LDLRAP1: variants seen among roughly 807,000 people sequenced by gnomAD.
LDLRAP1 encodes the protein low density lipoprotein receptor adapter protein 1.
LDLRAP1 carries 30 observed loss-of-function variants against 37.8 expected under a neutral mutation model. That is an observed-to-expected ratio of 0.79 (90% CI 0.59 to 1.08). The LOEUF is 1.08. Ranked by LOEUF, LDLRAP1 falls within the 50% of genes least tolerant of loss-of-function variation. LDLRAP1 has a pLI of 0.00. For synonymous variants in LDLRAP1, 156 were observed against 169.8 expected, an observed-to-expected ratio of 0.92 and a Z score of 0.63; for missense variants, 375 against 401.6, an observed-to-expected ratio of 0.93 and a Z score of 0.57.
the LDLRAP1 span, among the ~76,000 whole-genome samples, chr1:25,589,775 C>T: frequency 6.6e-6 from 1 of 152,166 alleles, no homozygotes; most frequent in Admixed American, 6.5e-5. Context: ...ACTTCTTGGC[C>T]TCCATAATTG....
At position 25,554,906 on chromosome 1, in the gene LDLRAP1, C is replaced by T. The variant is rs559751073; in HGVS notation, c.278C>T (p.Ser93Leu). 8.7e-6 allele frequency: 14 copies of T among 1,614,186 alleles called. No homozygotes were observed. The highest frequency in any genetic ancestry group is 1.1e-5 in the South Asian group (1 of 91,072). ...CTGCAGAAGGTGACTCTGAAGGTGT[C>T]GCCACGGGGAATTATCCTGACAGAC... ...KKLQKVTLKV[S>L]PRGIILTDNL... The change falls in exon 3 of 9, where the codon TCG becomes TTG. Residue 93 changes from serine to leucine, a missense_variant. Ser to Leu is a moderately radical substitution (Grantham distance 145, BLOSUM62 -2). Transcript: ENST00000374338. This position sits in a 1 kb window ranked among gnomAD's most constrained non-coding sequence, Gnocchi z 5.4.
rs554028072 is a variant in LDLRAP1, at chr1:25,563,665, C to G, written c.621C>G (p.Val207=). 4 of 1,613,370 alleles carry G rather than the reference C, an allele frequency of 2.5e-6. No individual in the cohort carries two copies. The South Asian group carries it at 3.3e-5, about 13-fold the overall frequency. ...ACCTGACCGGATCCCTCACAGTGGT[C>G]GCCACTGGGAACCTGCTGGACTTAG... ...QDCTPSLKSL[V]ATGNLLDLEE... The change falls in exon 7 of 9, where the codon GTC becomes GTG. Residue 207 remains valine, a synonymous_variant. Transcript: ENST00000374338.
chr1:25,574,388 G>GA, the LDLRAP1 span, among the ~76,000 whole-genome samples: 1 of 152,224 alleles, frequency 6.6e-6, no homozygotes, highest in Non-Finnish European at 1.5e-5. Flanking sequence ...TGTCATCCAG[G>GA]GTCAAGCCCA....
In LDLRAP1 at chr1:25,544,494, C is replaced by T. The variant is rs1413450844; in HGVS notation, c.88+708C>T. On this transcript the variant is annotated intron_variant, in intron 1 of 8. Coordinates refer to ENST00000374338, the MANE Select transcript of LDLRAP1 (RefSeq NM_015627.3). The surrounding 1 kb of genome is among the most constrained non-coding windows in gnomAD (Gnocchi z 4.8). The stretch of plus-strand genomic sequence containing the variant: ...TTTTTGAAACCTGTTTTCTCTCGCA[C>T]CTTTCCCCTCGGGCTTCCAGAGTCC... Among the ~76,000 whole-genome samples the T allele has an allele frequency of 3.9e-5, 6 of 152,200 alleles. No individual in the cohort carries two copies. Among genetic ancestry groups the T allele is most frequent in the South Asian group, 2.1e-4 (1 of 4,828 alleles).
At chr1:25,551,155 A>T (rs530397545) in intron 1 of LDLRAP1, among the ~76,000 whole-genome samples, 1 of 152,256 alleles carries the variant, frequency 6.6e-6, no homozygotes, top group African/African-American at 2.4e-5. Context: ...TTGATTATCA[A>T]TGTCTGCCAA....
the LDLRAP1 span, among the ~76,000 whole-genome samples, chr1:25,585,612 A>G: frequency 6.6e-6 from 1 of 152,228 alleles, no homozygotes; most frequent in Non-Finnish European, 1.5e-5. Flanking sequence ...GGCGTGAGCC[A>G]CTGTGCCTTA....
At chr1:25,577,618 A>AGAC in the LDLRAP1 span, among the ~76,000 whole-genome samples, 7 of 152,188 alleles carry the variant, frequency 4.6e-5, no homozygotes. Flanking sequence ...TGTTGAAGTT[A>AGAC]GACGAGGAGG....
At chr1:25,573,485 G>A (rs968580636), downstream of LDLRAP1, among the ~76,000 whole-genome samples, 5 of 152,290 alleles carry the variant, frequency 3.3e-5, no homozygotes, top group African/African-American at 1.2e-4. Flanking sequence ...GGCAAGGGAA[G>A]TTGGGAAGAG....
At chr1:25,566,107 T>A (rs972836348) in intron 8 of LDLRAP1, among the ~76,000 whole-genome samples, 1 of 152,200 alleles carries the variant, frequency 6.6e-6, no homozygotes, top group Non-Finnish European at 1.5e-5. Flanking sequence ...TTCTCCACAT[T>A]ATTTTGAGCA....
intron 8 of LDLRAP1, 66 bp from the exon 9 acceptor site, chr1:25,566,782 C>G: frequency 6.4e-7 from 1 of 1,560,984 alleles, no homozygotes; most frequent in Non-Finnish European, 8.7e-7. Flanking sequence ...GGTGCCCCCT[C>G]GCGTCTGACC....
rs2044509983 is a variant in LDLRAP1, at chr1:25,567,308, G to A, written c.*316G>A. On this transcript the variant is annotated 3_prime_UTR_variant, in exon 9 of 9. Transcript: ENST00000374338. ...GTAATCGGCTCCCGCTTGCTCTCCT[G>A]GAGCAAGCTCTGCCCTGGCTGTGGG... The A allele has an allele frequency of 2.3e-6, 1 of 427,458 alleles. No homozygotes were observed. Among genetic ancestry groups the A allele is most frequent in the South Asian group, 2.1e-5 (1 of 47,968 alleles). The allele number at this position is 427,458 out of a possible 1,614,324, so 26.5% of individuals were successfully genotyped here.
chr1:25,556,571 G>A (rs1033367654), intron 3 of LDLRAP1, among the ~76,000 whole-genome samples: 7 of 152,200 alleles, frequency 4.6e-5, no homozygotes, highest in Non-Finnish European at 7.3e-5. Context: ...GGCATGGATC[G>A]GAGGGCAGGT....
intron 1 of LDLRAP1, among the ~76,000 whole-genome samples, chr1:25,547,642 G>A (rs1040445421): frequency 2.0e-5 from 3 of 152,166 alleles, no homozygotes; most frequent in African/African-American, 7.2e-5. Flanking sequence ...CCGGAAGCCC[G>A]GTGGAGAGGA....
intron 4 of LDLRAP1, among the ~76,000 whole-genome samples, chr1:25,557,969 A>G (rs890246856): frequency 6.6e-6 from 1 of 151,156 alleles, no homozygotes; most frequent in South Asian, 2.1e-4. Context: ...GGGGGTTTAA[A>G]CCCACGTTTC....
intron 7 of LDLRAP1, chr1:25,564,913 C>G (rs1261982392): frequency 2.7e-5 from 14 of 519,784 alleles, no homozygotes; most frequent in Non-Finnish European, 4.5e-5. Context: ...TAGCATGGAC[C>G]AGGGCACTGA....
chr1:25,580,643 G>A, the LDLRAP1 span, among the ~76,000 whole-genome samples: 1 of 152,180 alleles, frequency 6.6e-6, no homozygotes, highest in Admixed American at 6.5e-5. Context: ...CAAGTAGCTG[G>A]GACCACAAGT....
At chr1:25,550,475 T>C (rs1191913870) in intron 1 of LDLRAP1, among the ~76,000 whole-genome samples, 1 of 152,168 alleles carries the variant, frequency 6.6e-6, no homozygotes, top group African/African-American at 2.4e-5. Flanking sequence ...GGGAACTACT[T>C]GAGCAAAGGC....
chr1:25,555,039 G>T lies in LDLRAP1; in HGVS notation c.344+67G>T. The stretch of plus-strand genomic sequence containing the variant: ...GGGCAGTGGGTGGAGTATCCCATCT[G>T]AATCCAGGCTCTACCACTTCCTACC... On this transcript the variant is annotated intron_variant, in intron 3 of 8. Coordinates refer to ENST00000374338, the MANE Select transcript of LDLRAP1 (RefSeq NM_015627.3). The surrounding 1 kb of genome is among the most constrained non-coding windows in gnomAD (Gnocchi z 4.7). The T allele has an allele frequency of 8.7e-7, 1 of 1,150,612 alleles. No individual in the cohort carries two copies. The highest frequency in any genetic ancestry group is 1.3e-6 in the Non-Finnish European group (1 of 764,420). The allele number at this position is 1,150,612 out of a possible 1,614,324, so 71.3% of individuals were successfully genotyped here. A position where few individuals can be genotyped will look rare whatever the true frequency, so the allele number is the denominator to read the frequency against.
the LDLRAP1 span, among the ~76,000 whole-genome samples, chr1:25,578,864 G>A: frequency 6.6e-5 from 10 of 152,314 alleles, no homozygotes; most frequent in Non-Finnish European, 1.3e-4. Context: ...GGTGAGAGAC[G>A]TGAGGGTTTT....
Sources: allele counts gnomAD v4.1 joint callset (sites outside exome capture counted in the v4.1 genomes callset), GRCh38; gene constraint gnomAD v4.1.1; non-coding constraint Gnocchi (gnomAD v3.1); transcripts MANE v1.5; gene names NCBI Gene and HGNC (gene_info 2026-07-23, HGNC 2026-07-21).